The following C2CD5 variants were observed in gnomAD, a reference collection of about 807,000 sequenced individuals.
C2CD5 encodes the protein C2 calcium dependent domain containing 5, also known as C2 domain-containing protein 5.
A neutral mutation model predicts 130.3 loss-of-function variants in C2CD5; 109 were observed. The observed-to-expected ratio is 0.84, with a 90% CI of 0.72 to 0.98. C2CD5 has a LOEUF of 0.98. C2CD5 is among the 50% of genes least tolerant of loss of function. C2CD5 has a pLI of 0.00. For synonymous variants in C2CD5, 454 were observed against 429.2 expected (o/e 1.06, Z -0.71); for missense variants, 996 against 1,261.8 (o/e 0.79, Z 3.19).
chr12:22,523,459 G>A lies in C2CD5; in HGVS notation c.767C>T (p.Pro256Leu). The change falls in exon 7 of 27, where the codon CCT (proline) becomes CTT (leucine). Residue 256 changes from proline to leucine, a missense_variant. Around this residue, in one of 9 missense-constraint regions of C2CD5, gnomAD observed 156 missense variants for 165.9 expected, o/e 0.94. Coordinates refer to ENST00000446597, the MANE Select transcript of C2CD5 (RefSeq NM_001286176.2). ...TTCTTTGGATGGGGAATTACATGCA[G>A]GAAGGAATGCTGCTGGGCTACTTAA... is the stretch of plus-strand genomic sequence containing the variant. ...DKLSSPAAFL[P>L]ACNSPSKEMK... 3 of 1,613,918 alleles carry A rather than the reference G, an allele frequency of 1.9e-6. No individual in the cohort carries two copies. The highest frequency in any genetic ancestry group is 2.5e-6 in the Non-Finnish European group (3 of 1,179,912).
At chr12:22,519,322 G>A in intron 7 of C2CD5, 3 of 1,242,284 alleles carry the variant, frequency 2.4e-6, no homozygotes, top group East Asian at 2.8e-5. Context: ...TAATTTCAAA[G>A]GAGCTTTAGT....
Position 22,485,066 on chromosome 12 carries a change from G to C in C2CD5, c.1359-178C>G, listed in dbSNP as rs111930402. ...AGAATTGAAAATGACCATGAAATCAGAACCATACATTTTTCCTATGAGAGA... is the reference window on the plus strand; with the variant it reads ...AGAATTGAAAATGACCATGAAATCACAACCATACATTTTTCCTATGAGAGA... On this transcript the variant is annotated intron_variant, in intron 12 of 26. Coordinates refer to ENST00000446597, the MANE Select transcript of C2CD5 (RefSeq NM_001286176.2). 5.3e-5 allele frequency among the ~76,000 whole-genome samples: 8 copies of C among 152,070 alleles called. 2 individuals are homozygous for C. The highest frequency in any genetic ancestry group is 1.9e-4 in the African/African-American group (8 of 41,486).
chr12:22,471,321 G>T, intron 20 of C2CD5, 78 bp downstream of exon 20: 1 of 828,368 alleles, frequency 1.2e-6, no homozygotes, highest in Admixed American at 2.2e-5. Flanking sequence ...TTTAATTACG[G>T]CAAAATTATG....
At position 22,457,165 on chromosome 12, in the gene C2CD5, A is replaced by C. The variant is rs1940054993; in HGVS notation, c.2687-4T>G. 2 of 1,589,252 alleles carry C rather than the reference A, an allele frequency of 1.3e-6. No individual in the cohort carries two copies. The highest frequency in any genetic ancestry group is 2.3e-5 in the South Asian group (2 of 86,846). On this transcript the variant is annotated splice_polypyrimidine_tract_variant and splice_region_variant and intron_variant, in intron 24 of 26. Coordinates refer to ENST00000446597, the MANE Select transcript of C2CD5 (RefSeq NM_001286176.2). ...CTTGCTTTTTCAACTGTCATGGCTA[A>C]AATTGGAGAAAAATGAGAAAACATT... is the stretch of plus-strand genomic sequence containing the variant.
intron 26 of C2CD5, 114 bp downstream of exon 26, chr12:22,453,782 T>A: frequency 1.2e-6 from 1 of 848,488 alleles, no homozygotes; most frequent in Non-Finnish European, 1.9e-6. Flanking sequence ...ATCTTACGCA[T>A]CTAGACTCAA....
chr12:22,529,273 CACT>C (rs1951000958), intron 3 of C2CD5, among the ~76,000 whole-genome samples: 2 of 152,144 alleles, frequency 1.3e-5, no homozygotes, highest in Admixed American at 6.6e-5. Flanking sequence ...GCATTCTCTC[CACT>C]ACTATTGTTA....
Position 22,458,575 on chromosome 12 carries a change from A to C in C2CD5, c.2595T>G (p.Val865=). 7.9e-7 allele frequency: 1 copy of C among 1,272,896 alleles called. No homozygotes were observed. Among genetic ancestry groups the C allele is most frequent in the Non-Finnish European group, 9.9e-7 (1 of 1,007,404 alleles). 78.9% of individuals were successfully genotyped at this position (1,272,896 alleles called of 1,614,324 possible). The stretch of plus-strand genomic sequence containing the variant: ...ATCTGTCTGCAAAGGAACTGTAATC[A>C]ACTGACGTTGCTGAAAACACAGACA... ...GIPAAQRATS[V]DYSSFADRCS... The change falls in exon 24 of 27, where the codon GTT becomes GTG. Residue 865 remains valine, a synonymous_variant. Coordinates refer to ENST00000446597, the MANE Select transcript of C2CD5 (RefSeq NM_001286176.2).
intron 10 of C2CD5, among the ~76,000 whole-genome samples, chr12:22,496,776 G>A (rs1015057963): frequency 6.6e-6 from 1 of 150,824 alleles, no homozygotes; most frequent in Non-Finnish European, 1.5e-5. Flanking sequence ...AGATAATATC[G>A]CAAATCTTTT....
At chr12:22,479,415 T>C (rs1220627912) in intron 14 of C2CD5, among the ~76,000 whole-genome samples, 1 of 150,682 alleles carries the variant, frequency 6.6e-6, no homozygotes, top group Non-Finnish European at 1.5e-5. Context: ...GAATTAAAAA[T>C]AGCAAAAAAA....
At position 22,527,715 on chromosome 12, in the gene C2CD5, C is replaced by T. The variant is rs927226127; in HGVS notation, c.349+6G>A. The T allele has an allele frequency of 6.9e-7, 1 of 1,450,326 alleles. No individual in the cohort carries two copies. The highest frequency in any genetic ancestry group is 9.5e-7 in the Non-Finnish European group (1 of 1,056,848). 89.8% of individuals were successfully genotyped at this position (1,450,326 alleles called of 1,614,324 possible). The stretch of plus-strand genomic sequence containing the variant: ...TTATTTATAATACTTTCTTATTATT[C>T]CTTACCATGTATGGTGTCATAAATT... On this transcript the variant is annotated splice_donor_region_variant and intron_variant, in intron 4 of 26. Coordinates refer to ENST00000446597, the MANE Select transcript of C2CD5 (RefSeq NM_001286176.2).
chr12:22,539,733 C>T (rs1016700466), intron 2 of C2CD5, among the ~76,000 whole-genome samples: 2 of 152,100 alleles, frequency 1.3e-5, no homozygotes, highest in South Asian at 4.2e-4. Flanking sequence ...GTGGCTCATG[C>T]CTGTAATCCC....
intron 10 of C2CD5, among the ~76,000 whole-genome samples, chr12:22,497,898 G>GCACACA (rs1356049317): frequency 2.9e-5 from 3 of 102,138 alleles, no homozygotes; most frequent in South Asian, 3.4e-4. Context: ...ATACACGCAT[G>GCACACA]CACACACATA....
intron 12 of C2CD5, among the ~76,000 whole-genome samples, chr12:22,488,015 AG>A (rs1945783229): frequency 7.6e-6 from 1 of 131,926 alleles, no homozygotes; most frequent in South Asian, 2.6e-4. Flanking sequence ...GGACACAGGA[AG>A]GGGAACATCA....
Position 22,484,796 on chromosome 12 carries a change from T to C in C2CD5, c.1451A>G (p.Tyr484Cys), listed in dbSNP as rs202060314. 11 of 1,609,434 alleles carry C rather than the reference T, an allele frequency of 6.8e-6. No individual in the cohort carries two copies. The highest frequency in any genetic ancestry group is 1.7e-5 in the Admixed American group (1 of 59,758). ...MPFPAHLTYC[Y>C]NCRKQKVPDV... ...AGGAACTTTTTGTTTCCTGCAGTTA[T>C]AGCAATATGTGAGATGAGCTGGAAA... The change falls in exon 13 of 27, where the codon TAT becomes TGT. Residue 484 changes from tyrosine (Y) to cysteine (C), a missense_variant. Physicochemically the swap from Tyr to Cys is radical, Grantham distance 194. Around this residue, in one of 9 missense-constraint regions of C2CD5, gnomAD observed 590 missense variants for 631.4 expected, o/e 0.93. Coordinates refer to ENST00000446597, the MANE Select transcript of C2CD5 (RefSeq NM_001286176.2).
intron 10 of C2CD5, among the ~76,000 whole-genome samples, chr12:22,501,172 G>A (rs1223675120): frequency 6.6e-6 from 1 of 152,112 alleles, no homozygotes; most frequent in Non-Finnish European, 1.5e-5. Context: ...ACTACAAGGT[G>A]TCATCATTTA....
At chr12:22,462,885 G>A (rs1245623801) in intron 22 of C2CD5, among the ~76,000 whole-genome samples, 2 of 151,966 alleles carry the variant, frequency 1.3e-5, no homozygotes, top group African/African-American at 4.8e-5. Context: ...TCAGGAGCTC[G>A]AGACCAGCCT....
At chr12:22,512,472 T>C (rs1372672759) in intron 9 of C2CD5, among the ~76,000 whole-genome samples, 2 of 143,698 alleles carry the variant, frequency 1.4e-5, no homozygotes, top group Non-Finnish European at 3.0e-5. Flanking sequence ...TATTAGTTAG[T>C]AGAAAAAAGA....
In C2CD5 at chr12:22,513,265, A is replaced by C. The variant is rs767411789; in HGVS notation, c.1038+29T>G. ...GATAACAAAGTCATATTAACAGTGT[A>C]AGAACAAAGAATATCAAGTGAATCT... On this transcript the variant is annotated intron_variant, in intron 9 of 26. Coordinates refer to ENST00000446597, the MANE Select transcript of C2CD5 (RefSeq NM_001286176.2). The C allele has an allele frequency of 3.2e-5, 46 of 1,421,212 alleles. No homozygotes were observed. The East Asian group carries it at 1.0e-3, about 32-fold the overall frequency. The allele number at this position is 1,421,212 out of a possible 1,614,324, so 88.0% of individuals were successfully genotyped here.
chr12:22,542,358 C>G (rs1952477936), intron 2 of C2CD5, among the ~76,000 whole-genome samples: 1 of 152,208 alleles, frequency 6.6e-6, no homozygotes, highest in Non-Finnish European at 1.5e-5. Flanking sequence ...GCTGCAGTGA[C>G]CTGCATTCAG....
Sources: allele counts gnomAD v4.1 joint callset (sites outside exome capture counted in the v4.1 genomes callset), GRCh38; gene constraint gnomAD v4.1.1; regional missense constraint gnomAD v4.1.1; transcripts MANE v1.5; gene names NCBI Gene and HGNC (gene_info 2026-07-23, HGNC 2026-07-21).